The following BAZ1B variants were observed in gnomAD, a reference collection of about 807,000 sequenced individuals.
BAZ1B encodes bromodomain adjacent to zinc finger domain 1B, also known as tyrosine-protein kinase BAZ1B.
BAZ1B carries 22 observed loss-of-function variants against 153.8 expected under a neutral mutation model. The observed-to-expected ratio is 0.14, with a 90% confidence interval of 0.10 to 0.20. BAZ1B has a LOEUF of 0.20. BAZ1B is among the 10% of genes least tolerant of loss of function. The pLI, the probability that BAZ1B is intolerant of heterozygous loss-of-function variation, is 1.00. For missense variants in BAZ1B, 1,325 were observed against 1,799.3 expected (o/e 0.74, Z 4.77); for synonymous variants, 676 against 633.4 (o/e 1.07, Z -1.01).
At position 73,468,991 on chromosome 7, in the gene BAZ1B, G is replaced by C. The variant is rs561229837; in HGVS notation, c.2866+526C>G. 8.5e-5 allele frequency among the ~76,000 whole-genome samples: 13 copies of C among 152,196 alleles called. No homozygotes were observed. The East Asian group carries it at 2.3e-3, about 27-fold the overall frequency. ...CAAAAAATACAAAAATTAGCCAGAT[G>C]TGGTGGCACACACCTGTAGTCCCAG... On this transcript the variant is annotated intron_variant, in intron 9 of 19. Coordinates refer to ENST00000339594, the MANE Select transcript of BAZ1B (RefSeq NM_032408.4).
chr7:73,508,702 C>T (rs1790448273), intron 2 of BAZ1B, among the ~76,000 whole-genome samples: 1 of 152,182 alleles, frequency 6.6e-6, no homozygotes, highest in Non-Finnish European at 1.5e-5. Context: ...TGCACCACTG[C>T]ACCTAACCTC....
At chr7:73,486,755 T>C (rs1789427066) in intron 6 of BAZ1B, among the ~76,000 whole-genome samples, 1 of 152,212 alleles carries the variant, frequency 6.6e-6, no homozygotes, top group Non-Finnish European at 1.5e-5. Context: ...AAACATCCCA[T>C]GCCTTTGGAT....
At chr7:73,510,465 A>G (rs1327422111) in intron 2 of BAZ1B, among the ~76,000 whole-genome samples, 2 of 152,188 alleles carry the variant, frequency 1.3e-5, no homozygotes, top group African/African-American at 2.4e-5. Flanking sequence ...CCACATTACC[A>G]GAGTACTTAC....
chr7:73,476,460 C>T (rs1789005009), intron 7 of BAZ1B, among the ~76,000 whole-genome samples: 1 of 152,158 alleles, frequency 6.6e-6, no homozygotes, highest in South Asian at 2.1e-4. Context: ...ATCAATTTTA[C>T]AACAATCTTA....
chr7:73,519,199 TCA>T (rs1355948511), intron 1 of BAZ1B, among the ~76,000 whole-genome samples: 1 of 152,182 alleles, frequency 6.6e-6, no homozygotes, highest in Non-Finnish European at 1.5e-5. Context: ...CAGTAAAATA[TCA>T]CACAAAGTTC....
intron 3 of BAZ1B, among the ~76,000 whole-genome samples, chr7:73,500,839 C>T (rs1554577022): frequency 6.6e-6 from 1 of 150,616 alleles, no homozygotes; most frequent in Non-Finnish European, 1.5e-5. Context: ...TGCAGTGAGC[C>T]GAGATCGCGC....
At chr7:73,466,787 C>T (rs1788605168) in intron 9 of BAZ1B, among the ~76,000 whole-genome samples, 1 of 152,128 alleles carries the variant, frequency 6.6e-6, no homozygotes, top group Non-Finnish European at 1.5e-5. Flanking sequence ...TAGACTTATC[C>T]TTGGAGGCTT....
At position 73,478,568 on chromosome 7, in the gene BAZ1B, T is replaced by C. The variant is rs375438119; in HGVS notation, c.893A>G (p.Tyr298Cys). 7.3e-6 allele frequency: 11 copies of C among 1,498,990 alleles called. No homozygotes were observed. Among genetic ancestry groups the C allele is most frequent in the Non-Finnish European group, 9.8e-6 (11 of 1,124,670 alleles). The allele number at this position is 1,498,990 out of a possible 1,614,324, so 92.9% of individuals were successfully genotyped here. A position where few individuals can be genotyped will look rare whatever the true frequency, so the allele number is the denominator to read the frequency against. ...CTTAGTAGAAGGGTTGAGAGTCATA[T>C]ACTAGAATTTAAGAATAGGAGCAAA... ...FSDFLLDPYK[Y>C]MTLNPSTKRK... is the part of the protein sequence containing the mutation. Residue 298 changes from tyrosine (Y) to cysteine (C), a missense_variant and splice_region_variant, in exon 7 of 20, where the codon TAT becomes TGT. Coordinates refer to ENST00000339594, the MANE Select transcript of BAZ1B (RefSeq NM_032408.4).
rs916924830 is a variant in BAZ1B, at chr7:73,517,672, G to C, written c.107+4155C>G. Among the ~76,000 whole-genome samples the C allele has an allele frequency of 1.7e-4, 26 of 152,156 alleles. 1 individual carries two copies. The highest frequency in any genetic ancestry group is 1.7e-3 in the Admixed American group (26 of 15,258). On this transcript the variant is annotated intron_variant, in intron 1 of 19. Coordinates refer to ENST00000339594, the MANE Select transcript of BAZ1B (RefSeq NM_032408.4). ...ACCTCTCAGAGCAAATGCCAATTGA[G>C]GTTTTTATGTTCCAGCAACTGCTGC...
At chr7:73,462,244 G>T (rs1263835253) in intron 12 of BAZ1B, among the ~76,000 whole-genome samples, 1 of 150,614 alleles carries the variant, frequency 6.6e-6, no homozygotes, top group South Asian at 2.1e-4. Flanking sequence ...TCTTTAAAAA[G>T]AAAAAAAAGA....
chr7:73,457,985 A>C (rs1170956485), intron 13 of BAZ1B, among the ~76,000 whole-genome samples: 1 of 152,182 alleles, frequency 6.6e-6, no homozygotes, highest in African/African-American at 2.4e-5. Context: ...AGTATCCTTC[A>C]AAATGACCCG....
intron 1 of BAZ1B, among the ~76,000 whole-genome samples, chr7:73,514,110 CCTTT>C (rs1351161833): frequency 1.3e-5 from 2 of 152,134 alleles, no homozygotes; most frequent in African/African-American, 4.8e-5. Context: ...ATGAGCTCTT[CCTTT>C]GACGATCATG....
At chr7:73,451,800 G>C (rs1280304349) in intron 13 of BAZ1B, among the ~76,000 whole-genome samples, 1 of 152,194 alleles carries the variant, frequency 6.6e-6, no homozygotes, top group Non-Finnish European at 1.5e-5. Flanking sequence ...CACAATCACA[G>C]CTGCCTTGCT....
Position 73,478,382 on chromosome 7 carries a change from T to A in BAZ1B, c.1079A>T (p.Lys360Ile). 4 of 1,612,460 alleles carry A rather than the reference T, an allele frequency of 2.5e-6. No individual in the cohort carries two copies. Among genetic ancestry groups the A allele is most frequent in the Non-Finnish European group, 3.4e-6 (4 of 1,179,474 alleles). ...TTCTTCTAGATGTTCTTCAGGAGAT[T>A]TGGAATTCTTTGAGTTCTTCACTTT... Reference protein sequence around the residue: ...PLKVKNSKNSKSPEEHLEEMM... With the variant: ...PLKVKNSKNSISPEEHLEEMM... Residue 360 changes from lysine (K) to isoleucine (I), a missense_variant, in exon 7 of 20, where the codon AAA becomes ATA. Lys to Ile is a moderately radical substitution (Grantham distance 102, BLOSUM62 -3). This residue lies in a region of BAZ1B where 219 missense variants were observed against 248.2 expected (regional missense o/e 0.88). Transcript: ENST00000339594.
intron 5 of BAZ1B, among the ~76,000 whole-genome samples, chr7:73,490,062 A>T (rs1412289247): frequency 6.6e-6 from 1 of 152,252 alleles, no homozygotes; most frequent in Non-Finnish European, 1.5e-5. Flanking sequence ...TATAATGGAC[A>T]CTGCAGTCCT....
chr7:73,451,871 G>A (rs1352394192), intron 13 of BAZ1B, among the ~76,000 whole-genome samples: 2 of 152,176 alleles, frequency 1.3e-5, no homozygotes, highest in Non-Finnish European at 2.9e-5. Context: ...TTCTTGAGAG[G>A]ATAACCCAAA....
intron 13 of BAZ1B, among the ~76,000 whole-genome samples, chr7:73,455,942 T>C (rs1254922662): frequency 6.6e-6 from 1 of 152,158 alleles, no homozygotes; most frequent in Non-Finnish European, 1.5e-5. Context: ...CAACAAATCT[T>C]TGTATATACA....
At chr7:73,473,382 A>G (rs999755811) in intron 7 of BAZ1B, among the ~76,000 whole-genome samples, 7 of 152,162 alleles carry the variant, frequency 4.6e-5, no homozygotes, top group Non-Finnish European at 1.5e-5. Flanking sequence ...GTGAATCCCC[A>G]TCTCTACTAA....
intron 16 of BAZ1B, among the ~76,000 whole-genome samples, chr7:73,444,425 C>A (rs186460128): frequency 1.3e-4 from 20 of 152,310 alleles, no homozygotes; most frequent in African/African-American, 4.8e-4. Flanking sequence ...AGCCATAAGG[C>A]CCCTGCAGGA....
Sources: allele counts gnomAD v4.1 joint callset (sites outside exome capture counted in the v4.1 genomes callset), GRCh38; gene constraint gnomAD v4.1.1; regional missense constraint gnomAD v4.1.1; transcripts MANE v1.5; gene names NCBI Gene and HGNC (gene_info 2026-07-23, HGNC 2026-07-21).